Variants in DENND3 observed in about 807,000 individuals in gnomAD.
DENND3 encodes the protein DENN domain-containing protein 3.
A neutral mutation model predicts 135.1 loss-of-function variants in DENND3; 88 were observed. That is an observed-to-expected ratio of 0.65 (90% confidence interval 0.55 to 0.78). The LOEUF (loss-of-function observed/expected upper bound fraction) is 0.78, where lower values mean the gene tolerates loss of function less well. DENND3 is among the 30% of genes least tolerant of loss of function. The pLI is 0.00. For missense variants in DENND3, 1,392 were observed against 1,688.4 expected (o/e 0.82, Z 3.08); for synonymous variants, 693 against 712.3 (o/e 0.97, Z 0.43).
chr8:141,132,435 G>A (rs1816242506), intron 1 of DENND3, among the ~76,000 whole-genome samples: 1 of 152,080 alleles, frequency 6.6e-6, no homozygotes, highest in South Asian at 2.1e-4. Flanking sequence ...TCGGCTCACT[G>A]CAACCTCTGC....
At chr8:141,148,469 G>C (rs1030167400) in intron 5 of DENND3, among the ~76,000 whole-genome samples, 1 of 152,166 alleles carries the variant, frequency 6.6e-6, no homozygotes, top group African/African-American at 2.4e-5. Context: ...GCTTAATTGG[G>C]TGTGCAAAAT....
Position 141,137,121 on chromosome 8 carries a change from A to G in DENND3, c.385+330A>G, listed in dbSNP as rs539836266. On this transcript the variant is annotated intron_variant, in intron 2 of 22. Coordinates refer to ENST00000519811, the MANE Select transcript of DENND3 (RefSeq NM_001352890.3). This position sits in a 1 kb window ranked among gnomAD's most constrained non-coding sequence, Gnocchi z 4.1. ...CAGCCTCTCAAGTAGCTGGGATTACAGGTGCCAACCACCACGCCTGGCTAA... is the reference window on the plus strand; with the variant it reads ...CAGCCTCTCAAGTAGCTGGGATTACGGGTGCCAACCACCACGCCTGGCTAA... Among the ~76,000 whole-genome samples, 59 of 152,238 alleles carry G rather than the reference A, an allele frequency of 3.9e-4. No individual in the cohort carries two copies. Among genetic ancestry groups the G allele is most frequent in the African/African-American group, 1.3e-3 (55 of 41,550 alleles).
Position 141,183,726 on chromosome 8 carries a change from TTTTTG to T in DENND3, c.2945-1403_2945-1399del, listed in dbSNP as rs1418019590. ...GAAGACGTCCGGTGACACTGTCAGT[TTTTTG>T]TTTTGTTTTTTTTTTTTTTTAATTT... On this transcript the variant is annotated intron_variant, in intron 17 of 22. Coordinates refer to ENST00000519811, the MANE Select transcript of DENND3 (RefSeq NM_001352890.3). 1.4e-5 allele frequency among the ~76,000 whole-genome samples: 2 copies of T among 146,306 alleles called. 1 individual carries two copies. The highest frequency in any genetic ancestry group is 3.0e-5 in the Non-Finnish European group (2 of 67,668).
chr8:141,161,945 C>A (rs551384286), intron 9 of DENND3, among the ~76,000 whole-genome samples: 1 of 152,052 alleles, frequency 6.6e-6, no homozygotes, highest in Non-Finnish European at 1.5e-5. Flanking sequence ...GGACTGCAGG[C>A]GCCTGCCACC....
rs772648944 is a variant in DENND3, at chr8:141,175,503, T to G, written c.2535+44T>G. 1 of 1,613,220 alleles carries G rather than the reference T, an allele frequency of 6.2e-7. No individual in the cohort carries two copies. On this transcript the variant is annotated intron_variant, in intron 14 of 22. Coordinates refer to ENST00000519811, the MANE Select transcript of DENND3 (RefSeq NM_001352890.3). The surrounding 1 kb of genome is among the most constrained non-coding windows in gnomAD (Gnocchi z 5.4). ...GACGGCGCCAGACCCCACCTGTGTT[T>G]AGGAGACAGATGGCTGGAGTGGGCC...
At chr8:141,142,426 C>G (rs751197750) in intron 4 of DENND3, 1 of 457,100 alleles carries the variant, frequency 2.2e-6, no homozygotes, top group South Asian at 1.5e-5. Context: ...GACCTTCTGC[C>G]TTGACCAGAG....
chr8:141,157,614 T>C (rs763769085), intron 8 of DENND3: 2 of 985,938 alleles, frequency 2.0e-6, no homozygotes, highest in Non-Finnish European at 2.4e-6. Flanking sequence ...TCGCCTTCCT[T>C]TGTCTGCATT....
intron 13 of DENND3, among the ~76,000 whole-genome samples, chr8:141,171,719 T>C (rs1821589679): frequency 6.6e-6 from 1 of 152,162 alleles, no homozygotes; most frequent in African/African-American, 2.4e-5. Flanking sequence ...TTGGTGTGTG[T>C]GCACAGTGGC....
intron 7 of DENND3, 45 bp from the exon 8 acceptor site, chr8:141,155,804 C>A (rs770729902): frequency 6.5e-7 from 1 of 1,541,664 alleles, no homozygotes; most frequent in Non-Finnish European, 8.8e-7. Context: ...ATACAAATTC[C>A]GAAATTCTTT....
Position 141,160,673 on chromosome 8 carries a change from ACCT to A in DENND3, c.1243_1245del (p.Leu415del). The A allele has an allele frequency of 6.2e-7, 1 of 1,611,910 alleles. No individual in the cohort carries two copies. On this transcript the variant is annotated inframe_deletion, in exon 9 of 23. Coordinates refer to ENST00000519811, the MANE Select transcript of DENND3 (RefSeq NM_001352890.3). ...CTCCACCATGAGCTGCACGCCGCCC[ACCT>A]CCTCTCCAGCACAGACCTGAAGGAG...
rs567562888 is a variant in DENND3 at position 141,150,966 on chromosome 8, G to A, written c.855+13G>A. 41 of 1,513,812 alleles carry A rather than the reference G, an allele frequency of 2.7e-5. 1 individual carries two copies. Among genetic ancestry groups the A allele is most frequent in the Non-Finnish European group, 2.5e-5 (28 of 1,135,522 alleles). 93.8% of individuals were successfully genotyped at this position (1,513,812 alleles called of 1,614,324 possible). The stretch of plus-strand genomic sequence containing the variant: ...GAAGGTGCTACAGGTACGCGGCCCC[G>A]CCCCGGCGAGCGCGTCTTGTGCTCC... On this transcript the variant is annotated intron_variant, in intron 6 of 22. Coordinates refer to ENST00000519811, the MANE Select transcript of DENND3 (RefSeq NM_001352890.3).
chr8:141,162,593 T>C (rs1430838329), intron 9 of DENND3, among the ~76,000 whole-genome samples: 2 of 152,210 alleles, frequency 1.3e-5, no homozygotes, highest in African/African-American at 2.4e-5. Context: ...TGGGAGATCA[T>C]GTGCTAAAAT....
In DENND3 at chr8:141,194,467, A is replaced by G; in HGVS notation, c.*234A>G. On this transcript the variant is annotated 3_prime_UTR_variant, in exon 23 of 23. Coordinates refer to ENST00000519811, the MANE Select transcript of DENND3 (RefSeq NM_001352890.3). ...GGTGTTTCCTGTTGGGGTGTGTCTCAGGCAGGCAGCTGCGTCTTGTTGGTG... is the reference window on the plus strand; with the variant it reads ...GGTGTTTCCTGTTGGGGTGTGTCTCGGGCAGGCAGCTGCGTCTTGTTGGTG... 1.8e-6 allele frequency: 1 copy of G among 556,344 alleles called. No individual in the cohort carries two copies. The highest frequency in any genetic ancestry group is 3.0e-5 in the East Asian group (1 of 33,398). The allele number at this position is 556,344 out of a possible 1,614,324, so 34.5% of individuals were successfully genotyped here. A position where few individuals can be genotyped will look rare whatever the true frequency, so the allele number is the denominator to read the frequency against.
Position 141,194,049 on chromosome 8 carries a change from G to C in DENND3, c.3653G>C (p.Arg1218Pro). The C allele has an allele frequency of 6.2e-7, 1 of 1,613,598 alleles. No individual in the cohort carries two copies. The highest frequency in any genetic ancestry group is 8.5e-7 in the Non-Finnish European group (1 of 1,179,976). Residue 1218 changes from arginine to proline, a missense_variant, in exon 23 of 23, where the codon CGA becomes CCA. By Grantham distance (103) the Arg-to-Pro change is moderately radical. Transcript: ENST00000519811. ...CCCTGGCAGGTCTGGGTGGGCAGCCGAGGGCTGGGGCAGGGAACACCCAAG... is the reference window on the plus strand; with the variant it reads ...CCCTGGCAGGTCTGGGTGGGCAGCCCAGGGCTGGGGCAGGGAACACCCAAG... ...RVKKQVWVGS[R>P]GLGQGTPKGK...
At position 141,128,755 on chromosome 8, in the gene DENND3, G is replaced by A; in HGVS notation, c.48G>A (p.Leu16=). 2 of 1,468,582 alleles carry A rather than the reference G, an allele frequency of 1.4e-6. No individual in the cohort carries two copies. The highest frequency in any genetic ancestry group is 2.6e-5 in the South Asian group (2 of 77,258). The allele number at this position is 1,468,582 out of a possible 1,614,324, so 91.0% of individuals were successfully genotyped here. ...ACTTGTCGCTGCCCTCGGGGCTGCT[G>A]GAGCTCTGCGCGCTGCTGGGCGCCC... is the stretch of plus-strand genomic sequence containing the variant. The part of the protein sequence containing the change: ...SPHLSLPSGL[L]ELCALLGAPR... The change falls in exon 1 of 23, where the codon CTG becomes CTA. Residue 16 remains leucine, a synonymous_variant. Coordinates refer to ENST00000519811, the MANE Select transcript of DENND3 (RefSeq NM_001352890.3). This position sits in a 1 kb window ranked among gnomAD's most constrained non-coding sequence, Gnocchi z 4.5.
At position 141,189,505 on chromosome 8, in the gene DENND3, G is replaced by T. The variant is rs562502805; in HGVS notation, c.3245+359G>T. 3.3e-5 allele frequency among the ~76,000 whole-genome samples: 5 copies of T among 152,364 alleles called. No individual in the cohort carries two copies. The East Asian group carries it at 9.6e-4, about 29-fold the overall frequency. ...CGCCTGATAATCGCCTGAGTGCTCA[G>T]TGTTGGCCTTGGGCTGCCTGTTCGC... is the stretch of plus-strand genomic sequence containing the variant. On this transcript the variant is annotated intron_variant, in intron 19 of 22. Transcript: ENST00000519811.
chr8:141,173,408 CG>C (rs1821906071), intron 13 of DENND3: 1 of 152,256 alleles, frequency 6.6e-6, no homozygotes, highest in African/African-American at 2.4e-5. Context: ...CTGGTGCCTG[CG>C]CCGCGTGCTG....
In DENND3 at chr8:141,180,842, C is replaced by G; in HGVS notation, c.2932C>G (p.Leu978Val). 1 of 1,611,454 alleles carries G rather than the reference C, an allele frequency of 6.2e-7. No individual in the cohort carries two copies. The highest frequency in any genetic ancestry group is 8.5e-7 in the Non-Finnish European group (1 of 1,178,906). The part of the protein sequence containing the change: ...EAFPQAVDVL[L>V]YTPGHLDPAE... ...GTTCCCACAAGCGGTGGACGTGCTG[C>G]TCTACACTCCAGGTAAGGCCCCTCT... The change falls in exon 17 of 23, where the codon CTC (leucine) becomes GTC (valine). Residue 978 changes from leucine to valine, a missense_variant. Leu to Val is a conservative substitution (Grantham distance 32). Coordinates refer to ENST00000519811, the MANE Select transcript of DENND3 (RefSeq NM_001352890.3).
chr8:141,128,612 C>CG lies in DENND3; in HGVS notation c.-94dup, dbSNP rs1815445849. The stretch of plus-strand genomic sequence containing the variant: ...CCGCAGACGGCGCTCGCAGCGCCCC[C>CG]GGCCCCCAGGCGGCGCGGCTGGTCC... On this transcript the variant is annotated 5_prime_UTR_variant, in exon 1 of 23. Transcript: ENST00000519811. This position sits in a 1 kb window ranked among gnomAD's most constrained non-coding sequence, Gnocchi z 4.5. The CG allele has an allele frequency of 7.1e-6, 5 of 705,494 alleles. No homozygotes were observed. The highest frequency in any genetic ancestry group is 9.3e-6 in the Non-Finnish European group (5 of 535,572). 43.7% of individuals were successfully genotyped at this position (705,494 alleles called of 1,614,324 possible).
Sources: gnomAD v4.1 joint callset for allele counts (sites outside exome capture counted in the v4.1 genomes callset) on GRCh38, gnomAD v4.1.1 for gene constraint, Gnocchi (gnomAD v3.1) non-coding constraint, MANE v1.5 for transcripts, NCBI Gene and HGNC (gene_info 2026-07-23, HGNC 2026-07-21) for gene names.